Variants in PRKN observed in about 807,000 individuals in gnomAD.
PRKN encodes the protein E3 ubiquitin-protein ligase parkin.
PRKN carries 56 observed loss-of-function variants against 59.5 expected under a neutral mutation model. That is an observed-to-expected ratio of 0.94 (90% confidence interval 0.76 to 1.18). PRKN has a LOEUF of 1.18. Ranked by LOEUF, PRKN falls within the 50% of genes most tolerant of loss-of-function variation. The probability of loss-of-function intolerance (pLI) is 0.00; values close to 1 mark genes in which losing one functional copy is unlikely to be tolerated. For missense variants in PRKN, 657 were observed against 596.4 expected, an observed-to-expected ratio of 1.10 and a Z score of -1.06; for synonymous variants, 250 against 222.1, an observed-to-expected ratio of 1.13 and a Z score of -1.12.
chr6:162,153,026 G>A (rs1041977486), intron 4 of PRKN, among the ~76,000 whole-genome samples: 1 of 152,182 alleles, frequency 6.6e-6, no homozygotes, highest in African/African-American at 2.4e-5. Flanking sequence ...AAATTAAACA[G>A]ATATTTTAAA....
intron 9 of PRKN, among the ~76,000 whole-genome samples, chr6:161,543,247 T>C (rs1779680407): frequency 6.6e-6 from 1 of 152,224 alleles, no homozygotes. Flanking sequence ...AGTATTTTAA[T>C]GCTGTTGTGA....
intron 9 of PRKN, among the ~76,000 whole-genome samples, chr6:161,438,008 C>A (rs80268456): frequency 0.013 from 1,973 of 152,166 alleles, 46 homozygotes; most frequent in African/African-American, 0.044. Flanking sequence ...TATCCTCATC[C>A]GTTTAAATAC....
intron 10 of PRKN, among the ~76,000 whole-genome samples, chr6:161,375,364 G>A (rs1271387285): frequency 3.9e-5 from 6 of 152,156 alleles, no homozygotes; most frequent in Non-Finnish European, 7.4e-5. Context: ...GGTCAGGATC[G>A]GCCTCCAGGG....
At chr6:162,062,437 C>A (rs1778139187) in intron 4 of PRKN, among the ~76,000 whole-genome samples, 1 of 152,164 alleles carries the variant, frequency 6.6e-6, no homozygotes, top group African/African-American at 2.4e-5. Flanking sequence ...GGCTGAACTG[C>A]ATCCCCTCAA....
At chr6:161,441,020 T>C (rs559922291) in intron 9 of PRKN, among the ~76,000 whole-genome samples, 48 of 152,322 alleles carry the variant, frequency 3.2e-4, no homozygotes, top group Admixed American at 8.5e-4. Context: ...AAAAATGTTC[T>C]GAACTACAAG....
intron 1 of PRKN, among the ~76,000 whole-genome samples, chr6:162,585,778 C>T (rs1189505490): frequency 6.6e-6 from 1 of 151,654 alleles, no homozygotes. Context: ...TCTCGGCTCA[C>T]TGCAACCTCC....
rs143395950 is a variant in PRKN, at chr6:162,329,805, A to C, written c.172-67040T>G. Among the ~76,000 whole-genome samples the C allele has an allele frequency of 6.2e-3, 944 of 152,288 alleles. 5 individuals carry two copies. Among genetic ancestry groups the C allele is most frequent in the African/African-American group, 0.022 (904 of 41,558 alleles). ...AAATAAATCCTGTAAAACCACAGAA[A>C]GGTAATTTAAGTACTTGGAAATCTA... On this transcript the variant is annotated intron_variant, in intron 2 of 11. Coordinates refer to ENST00000366898, the MANE Select transcript of PRKN (RefSeq NM_004562.3).
intron 6 of PRKN, among the ~76,000 whole-genome samples, chr6:161,857,987 C>A (rs954274962): frequency 6.6e-6 from 1 of 152,172 alleles, no homozygotes; most frequent in Non-Finnish European, 1.5e-5. Context: ...CAGTAGACAA[C>A]AAGTATCTAA....
At chr6:162,490,659 G>A (rs1471023264) in intron 1 of PRKN, among the ~76,000 whole-genome samples, 1 of 152,132 alleles carries the variant, frequency 6.6e-6, no homozygotes, top group Non-Finnish European at 1.5e-5. Context: ...AGCCAAAAAG[G>A]AAGCTGGTCT....
At chr6:162,196,652 C>T (rs1308913646) in intron 4 of PRKN, among the ~76,000 whole-genome samples, 1 of 152,146 alleles carries the variant, frequency 6.6e-6, no homozygotes, top group Admixed American at 6.6e-5. Context: ...AATTTGAGTC[C>T]GGGTTGGTTC....
chr6:161,615,374 T>C (rs543414987), intron 7 of PRKN, among the ~76,000 whole-genome samples: 2 of 152,334 alleles, frequency 1.3e-5, no homozygotes, highest in African/African-American at 4.8e-5. Context: ...ATTTTTTATT[T>C]CAGTGAAAGT....
chr6:161,882,915 T>C (rs1562362855), intron 6 of PRKN, among the ~76,000 whole-genome samples: 1 of 151,194 alleles, frequency 6.6e-6, no homozygotes, highest in African/African-American at 2.4e-5. Flanking sequence ...TGAGGCATGA[T>C]AATCGCTTGA....
chr6:162,672,621 T>G (rs1016453249), intron 1 of PRKN, among the ~76,000 whole-genome samples: 1 of 152,268 alleles, frequency 6.6e-6, no homozygotes, highest in African/African-American at 2.4e-5. Flanking sequence ...TTGTAAATTC[T>G]GTAGTAAACC....
chr6:162,199,845 C>G (rs1217411966), intron 4 of PRKN, among the ~76,000 whole-genome samples: 3 of 152,094 alleles, frequency 2.0e-5, no homozygotes, highest in Admixed American at 2.0e-4. Flanking sequence ...TTAGGTGGAT[C>G]TTTTGAGTTC....
rs1218153923 is a variant in PRKN at position 162,114,769 on chromosome 6, G to A, written c.535-60595C>T. Among the ~76,000 whole-genome samples the A allele has an allele frequency of 1.3e-3, 195 of 151,706 alleles. 1 individual carries two copies. Among genetic ancestry groups the A allele is most frequent in the African/African-American group, 4.4e-3 (179 of 41,142 alleles). On this transcript the variant is annotated intron_variant, in intron 4 of 11. Transcript: ENST00000366898. ...ATGCTCACCATCACTGGCCATCAGA[G>A]AAATGCAAATCAAAACCACAATGAG...
At chr6:162,450,891 T>C (rs9458559) in intron 1 of PRKN, among the ~76,000 whole-genome samples, 2 of 152,116 alleles carry the variant, frequency 1.3e-5, no homozygotes, top group Admixed American at 1.3e-4. Context: ...ATCAGCATTC[T>C]TTCATTAATG....
At chr6:162,114,652 AAAAC>A (rs1780588512) in intron 4 of PRKN, among the ~76,000 whole-genome samples, 1 of 151,140 alleles carries the variant, frequency 6.6e-6, no homozygotes, top group African/African-American at 2.4e-5. Context: ...TTACAAGAAA[AAAAC>A]AAACAACCCT....
At chr6:162,011,807 T>G (rs978926414) in intron 5 of PRKN, among the ~76,000 whole-genome samples, 4 of 151,758 alleles carry the variant, frequency 2.6e-5, no homozygotes, top group African/African-American at 9.7e-5. Flanking sequence ...TGAAAGTGCA[T>G]AAACCTTTAC....
At chr6:161,727,725 A>G (rs73783364) in intron 7 of PRKN, among the ~76,000 whole-genome samples, 3,152 of 152,250 alleles carry the variant, frequency 0.021, 118 homozygotes, top group African/African-American at 0.073. Flanking sequence ...AGGACATTGC[A>G]TTAGCTGTTA....
Sources: gnomAD v4.1 joint callset for allele counts (sites outside exome capture counted in the v4.1 genomes callset) on GRCh38, gnomAD v4.1.1 for gene constraint, MANE v1.5 for transcripts, NCBI Gene and HGNC (gene_info 2026-07-23, HGNC 2026-07-21) for gene names.